Variants in ROBO1 observed in about 807,000 individuals in gnomAD.
ROBO1 encodes the protein roundabout guidance receptor 1.
ROBO1 carries 149 observed loss-of-function variants against 195.9 expected under a neutral mutation model. The observed-to-expected ratio is 0.76, with a 90% CI of 0.67 to 0.87. The LOEUF (loss-of-function observed/expected upper bound fraction) is 0.87. Ranked by LOEUF, ROBO1 falls within the 40% of genes least tolerant of loss-of-function variation. The probability of loss-of-function intolerance (pLI) is 0.00; values close to 1 mark genes in which losing one functional copy is unlikely to be tolerated. For missense variants in ROBO1, 1,933 were observed against 2,068.3 expected (o/e 0.93, Z 1.27); for synonymous variants, 816 against 733.2 (o/e 1.11, Z -1.82).
chr3:78,852,952 A>C (rs552877716), intron 4 of ROBO1, among the ~76,000 whole-genome samples: 2 of 152,192 alleles, frequency 1.3e-5, no homozygotes, highest in Non-Finnish European at 2.9e-5. Context: ...AGGTTTATGC[A>C]TATAAAAAAG....
At chr3:78,866,404 G>A (rs1239199387) in intron 4 of ROBO1, among the ~76,000 whole-genome samples, 1 of 152,204 alleles carries the variant, frequency 6.6e-6, no homozygotes, top group Non-Finnish European at 1.5e-5. Context: ...AAATAAGGTA[G>A]AGAAGATAGG....
At chr3:78,753,698 C>T (rs888004759) in intron 4 of ROBO1, among the ~76,000 whole-genome samples, 1 of 152,100 alleles carries the variant, frequency 6.6e-6, no homozygotes, top group Non-Finnish European at 1.5e-5. Flanking sequence ...TTCTCTGCCC[C>T]TCAACTGGAC....
intron 1 of ROBO1, among the ~76,000 whole-genome samples, chr3:79,754,860 A>C (rs1334887579): frequency 6.6e-6 from 1 of 151,978 alleles, no homozygotes; most frequent in Non-Finnish European, 1.5e-5. Context: ...ACCTGATACC[A>C]CTTTTAAGTA....
intron 1 of ROBO1, among the ~76,000 whole-genome samples, chr3:79,760,132 G>A (rs1704608172): frequency 6.7e-6 from 1 of 150,178 alleles, no homozygotes; most frequent in Non-Finnish European, 1.5e-5. Flanking sequence ...AGTTACTCGG[G>A]AGGCTGAGCC....
intron 2 of ROBO1, among the ~76,000 whole-genome samples, chr3:79,497,292 T>G (rs528619474): frequency 6.6e-6 from 1 of 152,348 alleles, no homozygotes; most frequent in South Asian, 2.1e-4. Context: ...AAACTGAATT[T>G]CAAATTTACT....
chr3:79,443,208 C>T (rs1335088072), intron 2 of ROBO1, among the ~76,000 whole-genome samples: 3 of 152,000 alleles, frequency 2.0e-5, no homozygotes, highest in Non-Finnish European at 2.9e-5. Context: ...ACCTTAAAAC[C>T]GAGGTTTAAG....
At chr3:79,650,020 A>C (rs1040916548) in intron 1 of ROBO1, among the ~76,000 whole-genome samples, 30 of 152,182 alleles carry the variant, frequency 2.0e-4, no homozygotes, top group African/African-American at 7.0e-4. Flanking sequence ...TTTCTATTTT[A>C]AGATTTCTAA....
At chr3:79,550,187 GAAAGAAAGGAAAAGAAAA>G (rs1942435678) in intron 2 of ROBO1, among the ~76,000 whole-genome samples, 1 of 79,496 alleles carries the variant, frequency 1.3e-5, no homozygotes, top group Non-Finnish European at 2.2e-5. Context: ...AAGAAAGAAA[GAAAGAAAGGAAAAGAAAA>G]GAAAAGAAAA....
intron 3 of ROBO1, among the ~76,000 whole-genome samples, chr3:79,116,274 CCTTTCTTTT>C (rs1391396997): frequency 1.3e-5 from 2 of 151,778 alleles, no homozygotes; most frequent in East Asian, 3.9e-4. Context: ...TTCCTTCCTT[CCTTTCTTTT>C]CTTTCTTTCT....
chr3:78,849,315 T>A (rs1467198390), intron 4 of ROBO1, among the ~76,000 whole-genome samples: 1 of 152,070 alleles, frequency 6.6e-6, no homozygotes, highest in Non-Finnish European at 1.5e-5. Flanking sequence ...TAAACACATG[T>A]TTATTAGAGA....
intron 2 of ROBO1, among the ~76,000 whole-genome samples, chr3:79,195,233 G>A (rs1158722988): frequency 4.0e-5 from 6 of 151,502 alleles, no homozygotes; most frequent in African/African-American, 9.7e-5. Flanking sequence ...TCTGTTCAGA[G>A]AATTAAGCAA....
rs1448217527 is a variant in ROBO1 at position 78,597,432 on chromosome 3, A to AGTT, written c.*1478_*1480dup. On this transcript the variant is annotated 3_prime_UTR_variant, in exon 31 of 31. Coordinates refer to ENST00000464233, the MANE Select transcript of ROBO1 (RefSeq NM_002941.4). ...CTTTTTCAAATTATCTAAATGAACA[A>AGTT]GTTTGGTTTTGGTGAACACCAGCCT... The AGTT allele has an allele frequency of 2.0e-5, 3 of 152,532 alleles. No homozygotes were observed. Among genetic ancestry groups the AGTT allele is most frequent in the Admixed American group, 6.5e-5 (1 of 15,276 alleles). 9.4% of individuals were successfully genotyped at this position (152,532 alleles called of 1,614,324 possible).
intron 2 of ROBO1, among the ~76,000 whole-genome samples, chr3:79,254,117 C>A (rs1260398502): frequency 2.6e-5 from 4 of 152,080 alleles, no homozygotes; most frequent in Admixed American, 2.6e-4. Flanking sequence ...AACATATGTT[C>A]AAAACAGCTA....
intron 4 of ROBO1, among the ~76,000 whole-genome samples, chr3:78,904,657 G>A (rs162267): frequency 2.0e-5 from 3 of 150,426 alleles, no homozygotes; most frequent in African/African-American, 7.3e-5. Context: ...AAGTCCTCTG[G>A]GTTTGTCTGT....
chr3:78,688,102 A>C (rs1391173390), intron 9 of ROBO1, among the ~76,000 whole-genome samples: 2 of 152,360 alleles, frequency 1.3e-5, no homozygotes, highest in South Asian at 2.1e-4. Flanking sequence ...CTTGAAGTTC[A>C]TAAAATAGAA....
chr3:79,277,616 G>C (rs1353094124), intron 2 of ROBO1, among the ~76,000 whole-genome samples: 1 of 151,966 alleles, frequency 6.6e-6, no homozygotes, highest in Non-Finnish European at 1.5e-5. Flanking sequence ...AAATAATTAA[G>C]AGTATAATTG....
At chr3:78,854,320 A>C (rs1427068990) in intron 4 of ROBO1, among the ~76,000 whole-genome samples, 1 of 148,052 alleles carries the variant, frequency 6.8e-6, no homozygotes, top group Non-Finnish European at 1.5e-5. Flanking sequence ...AATTTTTATT[A>C]GTATATATTT....
intron 1 of ROBO1, among the ~76,000 whole-genome samples, chr3:79,740,016 A>G (rs988729436): frequency 6.6e-6 from 1 of 151,722 alleles, no homozygotes; most frequent in Admixed American, 6.6e-5. Context: ...TATGATTTTT[A>G]TTTTTCTTTA....
intron 1 of ROBO1, among the ~76,000 whole-genome samples, chr3:79,709,046 C>T (rs1182578036): frequency 1.3e-5 from 2 of 151,898 alleles, no homozygotes; most frequent in Admixed American, 1.3e-4. Context: ...GTTCATTACA[C>T]ACAGGCACAC....
Sources: allele counts gnomAD v4.1 joint callset (sites outside exome capture counted in the v4.1 genomes callset), GRCh38; gene constraint gnomAD v4.1.1; transcripts MANE v1.5; gene names NCBI Gene and HGNC (gene_info 2026-07-23, HGNC 2026-07-21).